The following CRELD1 variants were observed in gnomAD, a reference collection of about 807,000 sequenced individuals.
CRELD1 encodes the protein CRELD disulfide isomerase 1.
In CRELD1, 42 loss-of-function variants were observed where a neutral mutation model predicts 58.2. The observed-to-expected ratio is 0.72, with a 90% CI of 0.56 to 0.93. CRELD1 has a LOEUF of 0.93. Among genes scored for constraint, CRELD1 ranks in the 40% least tolerant of loss-of-function variants. The pLI is 0.00. For missense variants in CRELD1, 500 were observed against 540.6 expected (o/e 0.92, Z 0.74); for synonymous variants, 222 against 202.0 (o/e 1.10, Z -0.84).
At position 9,940,912 on chromosome 3, in the gene CRELD1, C is replaced by T. The variant is rs774018674; in HGVS notation, c.523C>T (p.Arg175Ter). The T allele has an allele frequency of 5.6e-6, 9 of 1,613,730 alleles. No individual in the cohort carries two copies. The highest frequency in any genetic ancestry group is 1.6e-4 in the Middle Eastern group (1 of 6,072). The change falls in exon 6 of 11, where the codon CGA (arginine) becomes TGA (stop). Residue 175 changes from arginine (R) to a stop codon, truncating the protein, a stop_gained. Coordinates refer to ENST00000452070, the MANE Select transcript of CRELD1 (RefSeq NM_001077415.3). LOFTEE classifies it high-confidence loss of function. ...GYGQCEGEGTRGGSGHCDCQA... is the reference protein window; with the variant it reads ...GYGQCEGEGT ...CGGGCAGTGTGAAGGAGAAGGGACA[C>T]GAGGGGGCAGCGGGCACTGTGACTG...
rs201730330 is a variant in CRELD1, at chr3:9,934,395, G to A, written c.-19-25G>A. 22 of 1,563,466 alleles carry A rather than the reference G, an allele frequency of 1.4e-5. No homozygotes were observed. The Admixed American group carries it at 2.8e-4, about 20-fold the overall frequency. Reference sequence around the variant, plus strand: ...CGTGGGGCCTGACTCCTTCAGTGAAGCCTCTCCACGCCCTCTATCTGCAGG... The same window carrying A: ...CGTGGGGCCTGACTCCTTCAGTGAAACCTCTCCACGCCCTCTATCTGCAGG... On this transcript the variant is annotated intron_variant, in intron 1 of 10. Transcript: ENST00000452070.
chr3:9,942,995 A>AC lies in CRELD1; in HGVS notation c.818-77dup. On this transcript the variant is annotated intron_variant, in intron 8 of 10. Transcript: ENST00000452070. ...CCTTCCCCTTCTCAGGCTTCAGAGC[A>AC]CCCCCAGGCCTCCGCTTCTGGAGCG... is the stretch of plus-strand genomic sequence containing the variant. 1.9e-6 allele frequency: 3 copies of AC among 1,540,928 alleles called. No individual in the cohort carries two copies. In the South Asian group the frequency reaches 3.3e-5, roughly 17 times the overall value.
chr3:9,936,524 C>T (rs139079853), intron 3 of CRELD1, among the ~76,000 whole-genome samples: 2 of 138,474 alleles, frequency 1.4e-5, no homozygotes, highest in African/African-American at 2.6e-5. Context: ...TATATGTCTG[C>T]GTATATATAT....
At chr3:9,936,110 G>C (rs1575634817) in intron 3 of CRELD1, 1 of 152,238 alleles carries the variant, frequency 6.6e-6, no homozygotes, top group African/African-American at 2.4e-5. Context: ...CTCAGAGTTA[G>C]ACCTGGTTGT....
chr3:9,944,795 TG>T lies in CRELD1; in HGVS notation c.*218del. Reference sequence around the variant, plus strand: ...AGGTGGATACCATGAGCTCTTCACCTGGCGGGGACTGGCAGGCTTCACAATG... The same window carrying T: ...AGGTGGATACCATGAGCTCTTCACCTGCGGGGACTGGCAGGCTTCACAATG... On this transcript the variant is annotated 3_prime_UTR_variant, in exon 11 of 11. Transcript: ENST00000452070. 1 of 590,824 alleles carries T rather than the reference TG, an allele frequency of 1.7e-6. No homozygotes were observed. Among genetic ancestry groups the T allele is most frequent in the South Asian group, 2.0e-5 (1 of 51,040 alleles). 36.6% of individuals were successfully genotyped at this position (590,824 alleles called of 1,614,324 possible).
rs73814309 is a variant in CRELD1, at chr3:9,940,807, A to C, written c.461-43A>C. 10 of 1,567,488 alleles carry C rather than the reference A, an allele frequency of 6.4e-6. No homozygotes were observed. The South Asian group carries it at 1.0e-4, about 16-fold the overall frequency. On this transcript the variant is annotated intron_variant, in intron 5 of 10. Coordinates refer to ENST00000452070, the MANE Select transcript of CRELD1 (RefSeq NM_001077415.3). ...GGAGAAAATATTATCTTGTATATCA[A>C]GGTTGTATAGATGACCTCACCTGGT...
Sources: gnomAD v4.1 joint callset for allele counts (sites outside exome capture counted in the v4.1 genomes callset) on GRCh38, gnomAD v4.1.1 for gene constraint, MANE v1.5 for transcripts, NCBI Gene and HGNC (gene_info 2026-07-23, HGNC 2026-07-21) for gene names.